NRIP1: variants seen among roughly 807,000 people sequenced by gnomAD.
The protein encoded by NRIP1 is nuclear receptor interacting protein 1, also known as nuclear receptor-interacting protein 1.
A neutral mutation model predicts 75.0 loss-of-function variants in NRIP1; 28 were observed. That is an observed-to-expected ratio of 0.37 (90% CI 0.28 to 0.51). The LOEUF is 0.51. Ranked by LOEUF, NRIP1 falls within the 20% of genes least tolerant of loss-of-function variation. The pLI is 0.92. For missense variants in NRIP1, 1,435 were observed against 1,343.7 expected, an observed-to-expected ratio of 1.07 and a Z score of -1.06; for synonymous variants, 526 against 487.6, an observed-to-expected ratio of 1.08 and a Z score of -1.04.
intron 3 of NRIP1, among the ~76,000 whole-genome samples, chr21:14,982,972 G>A (rs2147026210): frequency 6.6e-6 from 1 of 152,078 alleles, no homozygotes; most frequent in South Asian, 2.1e-4. Flanking sequence ...TGTATGTTCT[G>A]ATTGCTCCAC....
intron 2 of NRIP1, among the ~76,000 whole-genome samples, chr21:15,025,282 T>G (rs1380130817): frequency 6.6e-6 from 1 of 152,050 alleles, no homozygotes; most frequent in Non-Finnish European, 1.5e-5. Context: ...GGTTTCTCAC[T>G]ATAAGAGGAG....
intron 3 of NRIP1, among the ~76,000 whole-genome samples, chr21:14,980,047 T>G (rs528018465): frequency 6.6e-6 from 1 of 152,310 alleles, no homozygotes; most frequent in East Asian, 1.9e-4. Flanking sequence ...AACACAGACT[T>G]AACTTGTAAG....
At chr21:15,056,369 A>G (rs917222877) in intron 1 of NRIP1, among the ~76,000 whole-genome samples, 2 of 152,088 alleles carry the variant, frequency 1.3e-5, no homozygotes, top group Admixed American at 1.3e-4. Flanking sequence ...GTAGATTTTT[A>G]GCAATACAGT....
intron 3 of NRIP1, among the ~76,000 whole-genome samples, chr21:14,987,680 A>G (rs1180726712): frequency 6.6e-6 from 1 of 152,188 alleles, no homozygotes; most frequent in African/African-American, 2.4e-5. Context: ...GTTGATTCCT[A>G]CAAAGTGTAT....
chr21:15,030,511 A>ATATT (rs140203223), intron 2 of NRIP1, among the ~76,000 whole-genome samples: 4,650 of 152,346 alleles, frequency 0.031, 99 homozygotes, highest in Non-Finnish European at 0.046. Flanking sequence ...AATGGAAATC[A>ATATT]TATTTTCTCA....
chr21:15,028,101 C>T (rs937416303), intron 2 of NRIP1, among the ~76,000 whole-genome samples: 1 of 152,116 alleles, frequency 6.6e-6, no homozygotes, highest in African/African-American at 2.4e-5. Flanking sequence ...CCAAATACTT[C>T]TTGAGTATCT....
intron 3 of NRIP1, among the ~76,000 whole-genome samples, chr21:15,014,018 A>C (rs1036853968): frequency 6.6e-6 from 1 of 152,180 alleles, no homozygotes; most frequent in Non-Finnish European, 1.5e-5. Context: ...TCTTCTTTCA[A>C]GCTTTCCAAT....
At chr21:15,026,073 G>T (rs904154386) in intron 2 of NRIP1, among the ~76,000 whole-genome samples, 7 of 152,220 alleles carry the variant, frequency 4.6e-5, no homozygotes, top group Non-Finnish European at 7.4e-5. Flanking sequence ...TTCTTTCTGG[G>T]AAACACACAC....
chr21:15,041,863 T>TA (rs1434179335), intron 2 of NRIP1, among the ~76,000 whole-genome samples: 1 of 152,184 alleles, frequency 6.6e-6, no homozygotes, highest in African/African-American at 2.4e-5. Flanking sequence ...ATTTTACTGA[T>TA]AAAGTATATT....
chr21:15,064,663 C>G (rs1978698011), intron 1 of NRIP1, 82 bp downstream of exon 1: 1 of 151,160 alleles, frequency 6.6e-6, no homozygotes, highest in Non-Finnish European at 1.5e-5. Flanking sequence ...AAGCGAGAGC[C>G]GACGCGGGCC....
Position 14,962,162 on chromosome 21 carries a change from GAAGA to G in NRIP1, c.*2550_*2553del, listed in dbSNP as rs942676851. The G allele has an allele frequency of 6.6e-6, 1 of 151,290 alleles. No homozygotes were observed. The highest frequency in any genetic ancestry group is 2.4e-5 in the African/African-American group (1 of 41,384). 9.4% of individuals were successfully genotyped at this position (151,290 alleles called of 1,614,324 possible). A position where few individuals can be genotyped will look rare whatever the true frequency, so the allele number is the denominator to read the frequency against. Reference sequence around the variant, plus strand: ...TACCCTTTCACAAATGACTTTATTAGAAGAAATTGTCTAGATATCTAAAATAGTC... The same window carrying G: ...TACCCTTTCACAAATGACTTTATTAGAATTGTCTAGATATCTAAAATAGTC... On this transcript the variant is annotated 3_prime_UTR_variant, in exon 4 of 4. Coordinates refer to ENST00000318948, the MANE Select transcript of NRIP1 (RefSeq NM_003489.4).
chr21:14,970,588 A>G (rs1456486163), intron 3 of NRIP1, among the ~76,000 whole-genome samples: 1 of 149,944 alleles, frequency 6.7e-6, no homozygotes, highest in Non-Finnish European at 1.5e-5. Context: ...TATACAATTA[A>G]TTCTCAACTA....
chr21:14,988,207 A>G (rs532107988), intron 3 of NRIP1: 2 of 152,336 alleles, frequency 1.3e-5, no homozygotes, highest in East Asian at 1.9e-4. Flanking sequence ...AAAAGGAATA[A>G]TAATAGTATT....
chr21:15,004,800 A>G (rs1032815818), intron 3 of NRIP1, among the ~76,000 whole-genome samples: 9 of 152,228 alleles, frequency 5.9e-5, no homozygotes, highest in Non-Finnish European at 1.2e-4. Flanking sequence ...CTAAAGAGGC[A>G]GGAGAAAATT....
chr21:15,025,208 T>C (rs1217628356), intron 2 of NRIP1, among the ~76,000 whole-genome samples: 1 of 151,888 alleles, frequency 6.6e-6, no homozygotes, highest in African/African-American at 2.4e-5. Context: ...ACAGGAGAAA[T>C]GGCAGATTGA....
chr21:15,058,775 A>G (rs1568739037), intron 1 of NRIP1, among the ~76,000 whole-genome samples: 1 of 152,224 alleles, frequency 6.6e-6, no homozygotes, highest in Non-Finnish European at 1.5e-5. Context: ...TATGAAGAGT[A>G]TAGGCAAACT....
At chr21:15,013,543 G>A (rs2088159597) in intron 3 of NRIP1, among the ~76,000 whole-genome samples, 1 of 152,144 alleles carries the variant, frequency 6.6e-6, no homozygotes, top group South Asian at 2.1e-4. Context: ...AACGGATTAT[G>A]AGCACAATAA....
intron 1 of NRIP1, among the ~76,000 whole-genome samples, chr21:15,046,197 T>C (rs2089070751): frequency 6.6e-6 from 1 of 152,228 alleles, no homozygotes; most frequent in Non-Finnish European, 1.5e-5. Flanking sequence ...AATCACTATC[T>C]ATGGCAACTA....
intron 3 of NRIP1, among the ~76,000 whole-genome samples, chr21:15,004,199 G>A (rs539524330): frequency 4.9e-4 from 75 of 152,150 alleles, no homozygotes; most frequent in African/African-American, 1.7e-3. Context: ...AATTTCTTAA[G>A]TGTCGCCCAC....
Sources: gnomAD v4.1 joint callset for allele counts (sites outside exome capture counted in the v4.1 genomes callset) on GRCh38, gnomAD v4.1.1 for gene constraint, MANE v1.5 for transcripts, NCBI Gene and HGNC (gene_info 2026-07-23, HGNC 2026-07-21) for gene names.